The following KLHL3 variants were observed in gnomAD, a reference collection of about 807,000 sequenced individuals.
The protein encoded by KLHL3 is kelch like family member 3, also known as kelch-like protein 3.
Under a neutral mutation model 70.5 loss-of-function variants are expected in KLHL3, and 19 were observed. The observed-to-expected ratio is 0.27, with a 90% CI of 0.19 to 0.40. KLHL3 has a LOEUF of 0.40. Among genes scored for constraint, KLHL3 ranks in the 10% least tolerant of loss-of-function variants. The pLI, the probability that KLHL3 is intolerant of heterozygous loss-of-function variation, is 1.00. For synonymous variants in KLHL3, 258 were observed against 290.3 expected (o/e 0.89, Z 1.13); for missense variants, 512 against 771.1 (o/e 0.66, Z 3.98).
At chr5:137,683,928 AGC>A (rs1752099261) in intron 5 of KLHL3, among the ~76,000 whole-genome samples, 1 of 152,232 alleles carries the variant, frequency 6.6e-6, no homozygotes, top group Non-Finnish European at 1.5e-5. Context: ...ACAAAGAGCA[AGC>A]AACGAAACCT....
intron 4 of KLHL3, 118 bp from the exon 5 acceptor site, chr5:137,692,565 G>GT: frequency 1.1e-6 from 1 of 952,082 alleles, no homozygotes; most frequent in Non-Finnish European, 1.6e-6. Context: ...CTGCCCGCCA[G>GT]TAAGTCCAAA....
chr5:137,735,400 T>TA (rs1447423253), intron 1 of KLHL3, among the ~76,000 whole-genome samples: 1 of 152,216 alleles, frequency 6.6e-6, no homozygotes, highest in African/African-American at 2.4e-5. Flanking sequence ...CTCCGCTGCC[T>TA]AGCAAACCCA....
At chr5:137,644,074 T>G (rs1432958635) in intron 8 of KLHL3, among the ~76,000 whole-genome samples, 1 of 152,190 alleles carries the variant, frequency 6.6e-6, no homozygotes, top group Non-Finnish European at 1.5e-5. Flanking sequence ...ACCTTTTTAT[T>G]TATTTAATTT....
Position 137,720,575 on chromosome 5 carries a change from C to T in KLHL3, c.24G>A (p.Leu8=), listed in dbSNP as rs2149935281. 1.9e-6 allele frequency: 3 copies of T among 1,614,052 alleles called. No individual in the cohort carries two copies. The highest frequency in any genetic ancestry group is 2.5e-6 in the Non-Finnish European group (3 of 1,180,014). The part of the protein sequence containing the change: MEGESVK[L]SSQTLIQAGD... Reference sequence around the variant, plus strand: ...CAGCCTGTATCAGAGTCTGGGAGCTCAGCTTGACACTGTGAACAGGAAGGA... The same window carrying T: ...CAGCCTGTATCAGAGTCTGGGAGCTTAGCTTGACACTGTGAACAGGAAGGA... Residue 8 remains leucine (L), a synonymous_variant, in exon 2 of 15, where the codon CTG becomes CTA. Transcript: ENST00000309755.
rs775997727 is a variant in KLHL3, at chr5:137,639,997, C to T, written c.904-20G>A. 8.7e-6 allele frequency: 14 copies of T among 1,605,750 alleles called. No individual in the cohort carries two copies. Among genetic ancestry groups the T allele is most frequent in the African/African-American group, 5.3e-5 (4 of 74,786 alleles). On this transcript the variant is annotated intron_variant, in intron 8 of 14. Coordinates refer to ENST00000309755, the MANE Select transcript of KLHL3 (RefSeq NM_017415.3). The surrounding 1 kb of genome is among the most constrained non-coding windows in gnomAD (Gnocchi z 5.0). ...CATGACCTCCGGAGAGACAAGTGGA[C>T]GTTAGCGGGGTCACCCCAAAATCTG... is the stretch of plus-strand genomic sequence containing the variant.
At chr5:137,630,506 C>T (rs1453492394) in intron 12 of KLHL3, among the ~76,000 whole-genome samples, 2 of 152,242 alleles carry the variant, frequency 1.3e-5, no homozygotes, top group Middle Eastern at 6.8e-3. Context: ...GCCCTAGGAG[C>T]AGTCACACAT....
Position 137,701,589 on chromosome 5 carries a change from T to G in KLHL3, c.242-3181A>C, listed in dbSNP as rs1162814814. On this transcript the variant is annotated intron_variant, in intron 3 of 14. Coordinates refer to ENST00000309755, the MANE Select transcript of KLHL3 (RefSeq NM_017415.3). ...GGCTTATCCTCAACACGTAACAAAG[T>G]GCTTGGCATAAAACAAGCATTGAAA... Among the ~76,000 whole-genome samples, 5 of 152,184 alleles carry G rather than the reference T, an allele frequency of 3.3e-5. No homozygotes were observed. The East Asian group carries it at 9.6e-4, about 29-fold the overall frequency.
At position 137,643,052 on chromosome 5, in the gene KLHL3, C is replaced by T. The variant is rs137883605; in HGVS notation, c.904-3075G>A. 3.2e-3 allele frequency among the ~76,000 whole-genome samples: 493 copies of T among 152,128 alleles called. 2 individuals carry two copies. Among genetic ancestry groups the T allele is most frequent in the Non-Finnish European group, 4.9e-3 (332 of 67,986 alleles). On this transcript the variant is annotated intron_variant, in intron 8 of 14. Transcript: ENST00000309755. ...TTAAAGTAAAGCCTGAGTAGAAATA[C>T]AAAAATGATACACGACAGCTAGGTG...
In KLHL3 at chr5:137,735,985, C is replaced by A; in HGVS notation, c.-339G>T. On this transcript the variant is annotated 5_prime_UTR_variant, in exon 1 of 15. Transcript: ENST00000309755. The stretch of plus-strand genomic sequence containing the variant: ...GGCGGCAGCTCCAGCGACCCAGGTG[C>A]ACTGCCACCTTTCCAGCTTCCTCTG... The A allele has an allele frequency of 2.3e-6, 1 of 430,990 alleles. No homozygotes were observed. The highest frequency in any genetic ancestry group is 4.4e-6 in the Non-Finnish European group (1 of 229,706). The allele number at this position is 430,990 out of a possible 1,614,324, so 26.7% of individuals were successfully genotyped here. A position where few individuals can be genotyped will look rare whatever the true frequency, so the allele number is the denominator to read the frequency against.
intron 2 of KLHL3, among the ~76,000 whole-genome samples, chr5:137,711,360 A>G (rs528625187): frequency 1.3e-5 from 2 of 152,350 alleles, no homozygotes; most frequent in East Asian, 3.9e-4. Flanking sequence ...AAGCCACAGA[A>G]GTCTAAGTCT....
At position 137,631,086 on chromosome 5, in the gene KLHL3, AAAAAGAG is replaced by A. The variant is rs1238752387; in HGVS notation, c.1451-2656_1451-2650del. Among the ~76,000 whole-genome samples, 19 of 149,546 alleles carry A rather than the reference AAAAAGAG, an allele frequency of 1.3e-4. No homozygotes were observed. In the East Asian group the frequency reaches 1.9e-3, roughly 15 times the overall value. Reference sequence around the variant, plus strand: ...CAAAAATACAAAAAAAAAAAAAAAAAAAAAGAGAGAGAGAGAGAGAAAGGAATAACAT... The same window carrying A: ...CAAAAATACAAAAAAAAAAAAAAAAAAGAGAGAGAGAGAAAGGAATAACAT... On this transcript the variant is annotated intron_variant, in intron 12 of 14. Transcript: ENST00000309755.
intron 6 of KLHL3, among the ~76,000 whole-genome samples, chr5:137,675,993 CA>C (rs1456679468): frequency 6.6e-6 from 1 of 152,108 alleles, no homozygotes; most frequent in Non-Finnish European, 1.5e-5. Flanking sequence ...CCAGAACAGA[CA>C]GTAAACGTGC....
At chr5:137,640,620 A>G (rs149976622) in intron 8 of KLHL3, among the ~76,000 whole-genome samples, 1 of 152,294 alleles carries the variant, frequency 6.6e-6, no homozygotes, top group Non-Finnish European at 1.5e-5. Flanking sequence ...ATCCACATTG[A>G]CAGATAGCAA....
intron 5 of KLHL3, among the ~76,000 whole-genome samples, chr5:137,685,702 G>A (rs1156353192): frequency 6.6e-6 from 1 of 152,162 alleles, no homozygotes. Flanking sequence ...AAGAGATGGG[G>A]TGTCTTGTTA....
Position 137,709,642 on chromosome 5 carries a change from G to A in KLHL3, c.241+108C>T, listed in dbSNP as rs77180881. The A allele has an allele frequency of 2.3e-3, 1,955 of 840,832 alleles. 38 individuals carry two copies. The African/African-American group carries it at 0.028, about 12-fold the overall frequency. The allele number at this position is 840,832 out of a possible 1,614,324, so 52.1% of individuals were successfully genotyped here. On this transcript the variant is annotated intron_variant, in intron 3 of 14. Transcript: ENST00000309755. The stretch of plus-strand genomic sequence containing the variant: ...TGGCGTAGAGAAGCCCCTCATAGTG[G>A]GCTAATGGCTTTCTCTTTCCTCCCT...
rs1750544199 is a variant in KLHL3 at position 137,628,581 on chromosome 5, A to T, written c.1451-144T>A. On this transcript the variant is annotated intron_variant, in intron 12 of 14. Transcript: ENST00000309755. ...TGTCTCCCTGGACCTCAGTGTCCTC[A>T]TCTGTAAAACAAATATAATGACACC... The T allele has an allele frequency of 9.3e-6, 7 of 749,802 alleles. No homozygotes were observed. The East Asian group carries it at 1.6e-4, about 17-fold the overall frequency. 46.4% of individuals were successfully genotyped at this position (749,802 alleles called of 1,614,324 possible).
At position 137,618,430 on chromosome 5, in the gene KLHL3, T is replaced by C. The variant is rs1756285399; in HGVS notation, c.*3668A>G. The C allele has an allele frequency of 6.6e-6, 1 of 151,554 alleles. No homozygotes were observed. The allele number at this position is 151,554 out of a possible 1,614,324, so 9.4% of individuals were successfully genotyped here. A position where few individuals can be genotyped will look rare whatever the true frequency, so the allele number is the denominator to read the frequency against. ...GTAGAGACATAGCTCAAGAAGCAAG[T>C]TGTAAGTGTAGTGTGAGCACCTGCA... On this transcript the variant is annotated 3_prime_UTR_variant, in exon 15 of 15. Coordinates refer to ENST00000309755, the MANE Select transcript of KLHL3 (RefSeq NM_017415.3).
At chr5:137,725,613 T>C (rs1753073314) in intron 1 of KLHL3, among the ~76,000 whole-genome samples, 1 of 152,228 alleles carries the variant, frequency 6.6e-6, no homozygotes, top group African/African-American at 2.4e-5. Context: ...CCAGGCAGAA[T>C]CTCTGCTCTT....
In KLHL3 at chr5:137,716,956, G is replaced by A. The variant is rs528271083; in HGVS notation, c.134+3509C>T. Reference sequence around the variant, plus strand: ...AACTCCATTTTCAAAGTTAATCAAGGGTCCCCTTGGCCAAAAGATGGTCTG... The same window carrying A: ...AACTCCATTTTCAAAGTTAATCAAGAGTCCCCTTGGCCAAAAGATGGTCTG... On this transcript the variant is annotated intron_variant, in intron 2 of 14. Coordinates refer to ENST00000309755, the MANE Select transcript of KLHL3 (RefSeq NM_017415.3). 2.3e-4 allele frequency among the ~76,000 whole-genome samples: 35 copies of A among 152,274 alleles called. 1 individual carries two copies. In the South Asian group the frequency reaches 6.8e-3, roughly 30 times the overall value.
Sources: allele counts gnomAD v4.1 joint callset (sites outside exome capture counted in the v4.1 genomes callset), GRCh38; gene constraint gnomAD v4.1.1; non-coding constraint Gnocchi (gnomAD v3.1); transcripts MANE v1.5; gene names NCBI Gene and HGNC (gene_info 2026-07-23, HGNC 2026-07-21).